BRINP3: variants seen among roughly 807,000 people sequenced by gnomAD.
BRINP3 encodes BMP/retinoic acid-inducible neural-specific protein 3.
Under a neutral mutation model 71.0 loss-of-function variants are expected in BRINP3, and 19 were observed. The observed-to-expected ratio is 0.27, with a 90% CI of 0.19 to 0.39. The LOEUF (loss-of-function observed/expected upper bound fraction) is 0.39, where lower values mean the gene tolerates loss of function less well. Among genes scored for constraint, BRINP3 ranks in the 10% least tolerant of loss-of-function variants. The probability of loss-of-function intolerance (pLI) is 1.00; values close to 1 mark genes in which losing one functional copy is unlikely to be tolerated. For missense variants in BRINP3, 959 were observed against 940.8 expected (o/e 1.02, Z -0.25); for synonymous variants, 380 against 337.7 (o/e 1.13, Z -1.37).
chr1:190,152,497 T>C (rs1360437414), intron 7 of BRINP3, among the ~76,000 whole-genome samples: 2 of 150,374 alleles, frequency 1.3e-5, no homozygotes, highest in South Asian at 2.1e-4. Context: ...CACAAATATA[T>C]ATATATATAT....
chr1:190,463,434 T>TA (rs558036245), intron 1 of BRINP3, among the ~76,000 whole-genome samples: 8 of 148,210 alleles, frequency 5.4e-5, no homozygotes, highest in Admixed American at 1.4e-4. Context: ...GAACTACAAC[T>TA]AAAAAAAAAG....
At chr1:190,193,898 G>A (rs528652022) in intron 6 of BRINP3, among the ~76,000 whole-genome samples, 1 of 152,166 alleles carries the variant, frequency 6.6e-6, no homozygotes, top group Admixed American at 6.6e-5. Flanking sequence ...TGGGTAACAA[G>A]AAGCAAACAC....
chr1:190,331,941 T>C (rs1257586666), intron 2 of BRINP3, among the ~76,000 whole-genome samples: 1 of 152,046 alleles, frequency 6.6e-6, no homozygotes, highest in African/African-American at 2.4e-5. Context: ...AATGCATCAC[T>C]AGTATTTTCT....
chr1:190,154,617 G>A (rs1483572280), intron 7 of BRINP3, among the ~76,000 whole-genome samples: 11 of 151,998 alleles, frequency 7.2e-5, no homozygotes, highest in African/African-American at 2.4e-4. Context: ...ATACATACTT[G>A]TAAAACAGAA....
intron 7 of BRINP3, among the ~76,000 whole-genome samples, chr1:190,153,368 G>A (rs1206122898): frequency 1.3e-5 from 2 of 151,968 alleles, no homozygotes; most frequent in East Asian, 3.9e-4. Context: ...ACAAGAAAAG[G>A]GGTTTTCTGT....
intron 6 of BRINP3, among the ~76,000 whole-genome samples, chr1:190,166,197 T>G (rs1223583817): frequency 1.3e-5 from 2 of 152,202 alleles, no homozygotes; most frequent in Non-Finnish European, 2.9e-5. Flanking sequence ...GGCAAGCCTG[T>G]TCAATAGCTT....
At chr1:190,200,571 A>T (rs965045555) in intron 6 of BRINP3, among the ~76,000 whole-genome samples, 1 of 152,052 alleles carries the variant, frequency 6.6e-6, no homozygotes, top group Non-Finnish European at 1.5e-5. Flanking sequence ...CCCAAATCCT[A>T]AATACACATT....
intron 3 of BRINP3, among the ~76,000 whole-genome samples, chr1:190,269,333 A>G (rs1349129071): frequency 2.0e-5 from 3 of 152,146 alleles, no homozygotes; most frequent in African/African-American, 7.2e-5. Context: ...CCATTTGAGT[A>G]CTAGAGGAAA....
intron 2 of BRINP3, among the ~76,000 whole-genome samples, chr1:190,325,934 T>C (rs903459324): frequency 6.6e-6 from 1 of 151,940 alleles, no homozygotes; most frequent in East Asian, 1.9e-4. Context: ...CCTGTGTGAG[T>C]TCCCTGAAGG....
At chr1:190,255,309 G>A (rs1040988436) in intron 4 of BRINP3, among the ~76,000 whole-genome samples, 1 of 151,280 alleles carries the variant, frequency 6.6e-6, no homozygotes, top group African/African-American at 2.4e-5. Context: ...AAATGAGTTA[G>A]GGAGGATTCC....
chr1:190,228,418 A>G (rs1657611198), intron 5 of BRINP3, among the ~76,000 whole-genome samples: 1 of 151,568 alleles, frequency 6.6e-6, no homozygotes, highest in African/African-American at 2.4e-5. Flanking sequence ...TACCATTTTC[A>G]TAGTCATAAA....
At chr1:190,461,841 G>C (rs1353017774) in intron 1 of BRINP3, among the ~76,000 whole-genome samples, 1 of 152,134 alleles carries the variant, frequency 6.6e-6, no homozygotes. Flanking sequence ...TGAGTTATGA[G>C]GTAATGATTT....
At chr1:190,186,379 A>G (rs1006489347) in intron 6 of BRINP3, among the ~76,000 whole-genome samples, 1 of 152,130 alleles carries the variant, frequency 6.6e-6, no homozygotes, top group Non-Finnish European at 1.5e-5. Flanking sequence ...AAACAAACAT[A>G]CAAACCAACA....
chr1:190,132,357 C>T (rs974820382), intron 7 of BRINP3, among the ~76,000 whole-genome samples: 5 of 151,968 alleles, frequency 3.3e-5, no homozygotes, highest in Non-Finnish European at 4.4e-5. Flanking sequence ...TATGCCATTA[C>T]AATTTTCGTA....
chr1:190,171,166 G>C (rs1358970687), intron 6 of BRINP3, among the ~76,000 whole-genome samples: 1 of 152,124 alleles, frequency 6.6e-6, no homozygotes, highest in Non-Finnish European at 1.5e-5. Flanking sequence ...CGGTCAGTGT[G>C]GTTGACGAGA....
At chr1:190,295,386 C>T (rs1341530595) in intron 2 of BRINP3, among the ~76,000 whole-genome samples, 1 of 152,106 alleles carries the variant, frequency 6.6e-6, no homozygotes, top group East Asian at 1.9e-4. Flanking sequence ...CTCCACACTG[C>T]ACTGCCTGGG....
chr1:190,098,929 T>G lies in BRINP3; in HGVS notation c.1390A>C (p.Asn464His), dbSNP rs1024652109. The change falls in exon 8 of 8, where the codon AAC becomes CAC. Residue 464 changes from asparagine to histidine, a missense_variant. Coordinates refer to ENST00000367462, the MANE Select transcript of BRINP3 (RefSeq NM_199051.3). ...CCCTGGCTGAGCATGTAGCCGGTGT[T>G]GCAGGTGCCGCAGCGGGTGCGGTTG... ...PDNRTRCGTC[N>H]TGYMLSQGLC... is the part of the protein sequence containing the mutation. 2 of 1,614,178 alleles carry G rather than the reference T, an allele frequency of 1.2e-6. No individual in the cohort carries two copies. Among genetic ancestry groups the G allele is most frequent in the African/African-American group, 2.7e-5 (2 of 75,060 alleles).
chr1:190,311,877 C>T (rs935938692), intron 2 of BRINP3, among the ~76,000 whole-genome samples: 6 of 150,154 alleles, frequency 4.0e-5, no homozygotes, highest in Non-Finnish European at 6.0e-5. Flanking sequence ...AACAACACAA[C>T]TTATAAGAAT....
chr1:190,203,618 G>A (rs1655207112), intron 6 of BRINP3, among the ~76,000 whole-genome samples: 1 of 149,296 alleles, frequency 6.7e-6, no homozygotes, highest in Non-Finnish European at 1.5e-5. Context: ...ATGCTGGAAA[G>A]TTCAAACATT....
Sources: gnomAD v4.1 joint callset for allele counts (sites outside exome capture counted in the v4.1 genomes callset) on GRCh38, gnomAD v4.1.1 for gene constraint, MANE v1.5 for transcripts, NCBI Gene and HGNC (gene_info 2026-07-23, HGNC 2026-07-21) for gene names.